CSRNP3: variants seen among roughly 807,000 people sequenced by gnomAD.
The protein encoded by CSRNP3 is cysteine/serine-rich nuclear protein 3.
Under a neutral mutation model 48.0 loss-of-function variants are expected in CSRNP3, and 12 were observed. That is an observed-to-expected ratio of 0.25 (90% CI 0.16 to 0.41). The LOEUF (loss-of-function observed/expected upper bound fraction) is 0.41. Ranked by LOEUF, CSRNP3 falls within the 10% of genes least tolerant of loss-of-function variation. The pLI, the probability that CSRNP3 is intolerant of heterozygous loss-of-function variation, is 1.00. For missense variants in CSRNP3, 580 were observed against 724.4 expected, an observed-to-expected ratio of 0.80 and a Z score of 2.29; for synonymous variants, 263 against 269.7, an observed-to-expected ratio of 0.98 and a Z score of 0.24.
intron 4 of CSRNP3, among the ~76,000 whole-genome samples, chr2:165,613,633 C>A (rs987750073): frequency 2.0e-5 from 3 of 152,046 alleles, no homozygotes; most frequent in Non-Finnish European, 4.4e-5. Context: ...CAGTTCTCAC[C>A]AAACCACTTA....
At chr2:165,476,868 G>A (rs895786969) in intron 1 of CSRNP3, among the ~76,000 whole-genome samples, 4 of 152,310 alleles carry the variant, frequency 2.6e-5, no homozygotes, top group South Asian at 2.1e-4. Context: ...GCCATTGTGT[G>A]CAATTTTTAG....
rs533984996 is a variant in CSRNP3 at position 165,656,462 on chromosome 2, TTTGA to T, written c.149-1294_149-1291del. 2.9e-4 allele frequency among the ~76,000 whole-genome samples: 44 copies of T among 152,272 alleles called. 1 individual carries two copies. The highest frequency in any genetic ancestry group is 6.8e-3 in the Middle Eastern group (2 of 294). ...GTGAGATAATTGATATGTTAATTAG[TTTGA>T]TTGAGCATTTTCACAGCACATACAT... On this transcript the variant is annotated intron_variant, in intron 4 of 6. Coordinates refer to ENST00000651982, the MANE Select transcript of CSRNP3 (RefSeq NM_001172173.2).
chr2:165,673,713 T>A (rs1056311749), intron 5 of CSRNP3, among the ~76,000 whole-genome samples: 19 of 152,306 alleles, frequency 1.2e-4, no homozygotes, highest in African/African-American at 4.1e-4. Context: ...AACCATTTTT[T>A]AAAAATTAGG....
chr2:165,506,961 A>G (rs1684434461), intron 2 of CSRNP3, among the ~76,000 whole-genome samples: 1 of 152,156 alleles, frequency 6.6e-6, no homozygotes, highest in South Asian at 2.1e-4. Flanking sequence ...GGCCACCAAT[A>G]ACAATGGACC....
intron 3 of CSRNP3, among the ~76,000 whole-genome samples, chr2:165,540,130 AGGCAAGGTGTT>A (rs1684934573): frequency 1.3e-5 from 2 of 152,128 alleles, no homozygotes; most frequent in Admixed American, 1.3e-4. Flanking sequence ...TGTCTCACTG[AGGCAAGGTGTT>A]GGCAAGCAAC....
intron 3 of CSRNP3, among the ~76,000 whole-genome samples, chr2:165,522,491 C>T (rs1046448512): frequency 6.6e-6 from 1 of 151,582 alleles, no homozygotes; most frequent in Admixed American, 6.6e-5. Context: ...AGTGGGAAAA[C>T]AATGGTAAAG....
intron 5 of CSRNP3, among the ~76,000 whole-genome samples, chr2:165,665,034 C>T (rs1365728658): frequency 6.6e-6 from 1 of 152,126 alleles, no homozygotes; most frequent in African/African-American, 2.4e-5. Flanking sequence ...TTTCAATAAA[C>T]TTGGTCTTGT....
chr2:165,509,756 G>A (rs1684477287), intron 2 of CSRNP3, among the ~76,000 whole-genome samples: 1 of 152,072 alleles, frequency 6.6e-6, no homozygotes, highest in African/African-American at 2.4e-5. Context: ...TCGGTATCAT[G>A]CTATTAAACA....
At chr2:165,530,722 A>G (rs1234508598) in intron 3 of CSRNP3, among the ~76,000 whole-genome samples, 3 of 151,996 alleles carry the variant, frequency 2.0e-5, no homozygotes, top group Non-Finnish European at 4.4e-5. Context: ...GCTGATTCCA[A>G]TTTAGTTGTT....
At chr2:165,602,927 C>T (rs905633888) in intron 4 of CSRNP3, among the ~76,000 whole-genome samples, 1 of 152,060 alleles carries the variant, frequency 6.6e-6, no homozygotes, top group African/African-American at 2.4e-5. Context: ...GACAGAGTCT[C>T]GCTGTCGCCC....
intron 3 of CSRNP3, among the ~76,000 whole-genome samples, chr2:165,553,552 C>T (rs1281108828): frequency 6.6e-6 from 1 of 152,184 alleles, no homozygotes; most frequent in Non-Finnish European, 1.5e-5. Context: ...CCACTCATTT[C>T]CTCCCTATCC....
chr2:165,599,708 T>C (rs1486354444), intron 4 of CSRNP3, among the ~76,000 whole-genome samples: 1 of 152,186 alleles, frequency 6.6e-6, no homozygotes, highest in African/African-American at 2.4e-5. Context: ...TTTAGGACAT[T>C]TATTATTTAT....
intron 5 of CSRNP3, among the ~76,000 whole-genome samples, chr2:165,670,759 C>G (rs1687314721): frequency 6.6e-6 from 1 of 152,136 alleles, no homozygotes; most frequent in Admixed American, 6.6e-5. Context: ...TAACCCCCAC[C>G]TGCAATTTCT....
At chr2:165,597,080 C>T (rs1339945778) in intron 4 of CSRNP3, among the ~76,000 whole-genome samples, 1 of 152,144 alleles carries the variant, frequency 6.6e-6, no homozygotes, top group Non-Finnish European at 1.5e-5. Flanking sequence ...TTTGCATGGT[C>T]TTATTCCGCC....
chr2:165,613,440 A>G (rs1686173631), intron 4 of CSRNP3, among the ~76,000 whole-genome samples: 1 of 151,976 alleles, frequency 6.6e-6, no homozygotes, highest in African/African-American at 2.4e-5. Flanking sequence ...TGTTGCCTAC[A>G]TTTTTGAAGT....
At chr2:165,674,716 T>A (rs951986521) in intron 5 of CSRNP3, among the ~76,000 whole-genome samples, 3 of 91,504 alleles carry the variant, frequency 3.3e-5, no homozygotes, top group African/African-American at 1.3e-4. Context: ...ATATATATAA[T>A]TTGTTTATTT....
chr2:165,498,175 T>A (rs1263695543), intron 2 of CSRNP3, among the ~76,000 whole-genome samples: 1 of 152,112 alleles, frequency 6.6e-6, no homozygotes, highest in Non-Finnish European at 1.5e-5. Flanking sequence ...CATGTTGTTT[T>A]ACATTTACAT....
chr2:165,673,859 A>G (rs1038875265), intron 5 of CSRNP3, among the ~76,000 whole-genome samples: 8 of 152,008 alleles, frequency 5.3e-5, no homozygotes, highest in Non-Finnish European at 7.4e-5. Flanking sequence ...CATCTCTACT[A>G]AAAATACAAA....
intron 3 of CSRNP3, among the ~76,000 whole-genome samples, chr2:165,527,920 G>A (rs1479836968): frequency 1.3e-5 from 2 of 151,672 alleles, no homozygotes; most frequent in African/African-American, 4.8e-5. Context: ...GAGACAGGGA[G>A]ACAGAGAGAG....
Sources: gnomAD v4.1 joint callset for allele counts (sites outside exome capture counted in the v4.1 genomes callset) on GRCh38, gnomAD v4.1.1 for gene constraint, MANE v1.5 for transcripts, NCBI Gene and HGNC (gene_info 2026-07-23, HGNC 2026-07-21) for gene names.